The following COL21A1 variants were observed in gnomAD, a reference collection of about 807,000 sequenced individuals.
The protein encoded by COL21A1 is collagen alpha-1(XXI) chain.
Under a neutral mutation model 137.9 loss-of-function variants are expected in COL21A1, and 149 were observed. The ratio of observed to expected loss-of-function variants is 1.08; its 90% confidence interval spans 0.95 to 1.24. The LOEUF (loss-of-function observed/expected upper bound fraction) is 1.24. COL21A1 is among the 50% of genes most tolerant of loss of function. The pLI is 0.00. For missense variants in COL21A1, 1,167 were observed against 1,158.4 expected, an observed-to-expected ratio of 1.01 and a Z score of -0.11; for synonymous variants, 456 against 391.5, an observed-to-expected ratio of 1.16 and a Z score of -1.95.
chr6:56,315,567 A>G (rs1764711534), intron 1 of COL21A1, among the ~76,000 whole-genome samples: 1 of 151,968 alleles, frequency 6.6e-6, no homozygotes, highest in African/African-American at 2.4e-5. Context: ...TCCAAACTAC[A>G]GTTTCTATTC....
Position 56,182,520 on chromosome 6 carries a change from A to G in COL21A1, c.88+11T>C. The G allele has an allele frequency of 6.4e-7, 1 of 1,557,136 alleles. No homozygotes were observed. The highest frequency in any genetic ancestry group is 1.4e-5 in the African/African-American group (1 of 74,012). ...TTGATAACAAAAAAGGACAATGCTG[A>G]TAGTTCTTACTTGATCTTACTTCCC... On this transcript the variant is annotated intron_variant, in intron 2 of 29. Transcript: ENST00000244728.
At chr6:56,336,490 A>G (rs1181056779) in intron 1 of COL21A1, among the ~76,000 whole-genome samples, 6 of 152,206 alleles carry the variant, frequency 3.9e-5, no homozygotes, top group Admixed American at 3.9e-4. Context: ...GATATTAAAA[A>G]TGTTTTACCC....
intron 1 of COL21A1, among the ~76,000 whole-genome samples, chr6:56,287,900 G>GATGGA (rs2152335028): frequency 6.6e-6 from 1 of 152,148 alleles, no homozygotes; most frequent in East Asian, 2.0e-4. Context: ...TGCCTTTGAA[G>GATGGA]ATGGAGGGAG....
At chr6:56,157,084 G>T (rs1350441369) in intron 9 of COL21A1, 135 bp from the exon 10 acceptor site, 5 of 498,272 alleles carry the variant, frequency 1.0e-5, no homozygotes, top group Admixed American at 3.7e-5. Flanking sequence ...AAAAAAAAAA[G>T]CCATATTTTA....
intron 1 of COL21A1, among the ~76,000 whole-genome samples, chr6:56,372,315 A>G (rs2152350361): frequency 6.6e-6 from 1 of 152,334 alleles, no homozygotes; most frequent in Middle Eastern, 3.4e-3. Flanking sequence ...GAGCAAAATT[A>G]GAGAAAATCT....
chr6:56,125,404 C>CT lies in COL21A1; in HGVS notation c.1650+162dup. 3 of 451,790 alleles carry CT rather than the reference C, an allele frequency of 6.6e-6. No homozygotes were observed. The East Asian group carries it at 1.0e-4, about 16-fold the overall frequency. 28.0% of individuals were successfully genotyped at this position (451,790 alleles called of 1,614,324 possible). On this transcript the variant is annotated intron_variant, in intron 14 of 29. Coordinates refer to ENST00000244728, the MANE Select transcript of COL21A1 (RefSeq NM_030820.4). ...ACATAGCAGTCTGCAGTCACCAGCT[C>CT]TTTTTTTCTTTTTTTTCTTTTTTCA...
intron 25 of COL21A1, chr6:56,061,291 C>A (rs533948523): frequency 2.0e-6 from 1 of 498,098 alleles, no homozygotes; most frequent in Non-Finnish European, 3.5e-6. Context: ...ATAGGTAATA[C>A]GCATACTGCC....
chr6:56,218,690 T>G (rs1326472880), intron 1 of COL21A1, among the ~76,000 whole-genome samples: 1 of 152,154 alleles, frequency 6.6e-6, no homozygotes, highest in Non-Finnish European at 1.5e-5. Context: ...AAAAGCAAAC[T>G]TGAGCGATTT....
Position 56,170,664 on chromosome 6 carries a change from A to T in COL21A1, c.1011T>A (p.Ala337=). 1 of 1,594,678 alleles carries T rather than the reference A, an allele frequency of 6.3e-7. No homozygotes were observed. The highest frequency in any genetic ancestry group is 8.6e-7 in the Non-Finnish European group (1 of 1,168,288). The part of the protein sequence containing the change: ...VINGSQVVTF[A]NPQVKTLFDE... ...GCATCTTTACCTTAACTTGAGGGTT[A>T]GCAAAGGTAACCACTTGTGAGCCAT... Residue 337 remains alanine (A), a synonymous_variant, in exon 5 of 30, where the codon GCT becomes GCA. Coordinates refer to ENST00000244728, the MANE Select transcript of COL21A1 (RefSeq NM_030820.4).
chr6:56,223,787 T>C (rs1310989760), intron 1 of COL21A1, among the ~76,000 whole-genome samples: 1 of 152,122 alleles, frequency 6.6e-6, no homozygotes, highest in Non-Finnish European at 1.5e-5. Context: ...ATGATTCATC[T>C]TGATAGTCAC....
intron 1 of COL21A1, among the ~76,000 whole-genome samples, chr6:56,301,058 T>C (rs986762870): frequency 1.3e-5 from 2 of 152,148 alleles, no homozygotes; most frequent in Non-Finnish European, 2.9e-5. Context: ...CATGGGAAAT[T>C]ATAAGGCAAG....
intron 16 of COL21A1, among the ~76,000 whole-genome samples, chr6:56,106,215 CAG>C (rs1770873086): frequency 1.3e-5 from 2 of 152,116 alleles, no homozygotes; most frequent in Non-Finnish European, 2.9e-5. Flanking sequence ...TAAGAAAAAA[CAG>C]GATACAAACA....
At chr6:56,169,424 A>C (rs1776850712) in intron 5 of COL21A1, among the ~76,000 whole-genome samples, 1 of 151,912 alleles carries the variant, frequency 6.6e-6, no homozygotes, top group African/African-American at 2.4e-5. Context: ...ACCATGACAC[A>C]CTATGGTCAA....
At chr6:56,276,047 A>G (rs1397044543) in intron 1 of COL21A1, among the ~76,000 whole-genome samples, 1 of 152,220 alleles carries the variant, frequency 6.6e-6, no homozygotes, top group Non-Finnish European at 1.5e-5. Flanking sequence ...AGCCATAAAA[A>G]AGAGTGAAAT....
intron 1 of COL21A1, among the ~76,000 whole-genome samples, chr6:56,368,965 T>C (rs1434354476): frequency 2.0e-5 from 3 of 152,164 alleles, no homozygotes; most frequent in African/African-American, 7.2e-5. Context: ...TGAGACTCTA[T>C]CTGTAGAATG....
intron 13 of COL21A1, 116 bp downstream of exon 13, chr6:56,125,975 GTTTAC>G (rs146607719): frequency 0.075 from 44,469 of 594,986 alleles, 1,817 homozygotes; most frequent in Admixed American, 0.11. Flanking sequence ...TTAGCCCATT[GTTTAC>G]TTTATCTCTA....
chr6:56,171,576 C>T (rs1012802513), intron 3 of COL21A1, among the ~76,000 whole-genome samples: 1 of 151,814 alleles, frequency 6.6e-6, no homozygotes, highest in Non-Finnish European at 1.5e-5. Flanking sequence ...CACTAAAATT[C>T]TTTTCTTGCA....
chr6:56,195,450 G>A (rs1778958321), intron 1 of COL21A1, among the ~76,000 whole-genome samples: 1 of 151,974 alleles, frequency 6.6e-6, no homozygotes, highest in Admixed American at 6.6e-5. Context: ...GGTGGGGGAG[G>A]GAAAGAGGGG....
intron 1 of COL21A1, among the ~76,000 whole-genome samples, chr6:56,190,766 G>T (rs6459130): frequency 0.56 from 84,841 of 152,010 alleles, 23,924 homozygotes; most frequent in East Asian, 0.77. Flanking sequence ...TCATCCCTGG[G>T]ATGCAAGGCT....
Sources: gnomAD v4.1 joint callset for allele counts (sites outside exome capture counted in the v4.1 genomes callset) on GRCh38, gnomAD v4.1.1 for gene constraint, MANE v1.5 for transcripts, NCBI Gene and HGNC (gene_info 2026-07-23, HGNC 2026-07-21) for gene names.